Variants in TBCD observed in about 807,000 individuals in gnomAD.
TBCD encodes the protein tubulin folding cofactor D.
A neutral mutation model predicts 169.3 loss-of-function variants in TBCD; 105 were observed. The observed-to-expected ratio is 0.62, with a 90% CI of 0.53 to 0.73. The LOEUF (loss-of-function observed/expected upper bound fraction) is 0.73, where lower values mean the gene tolerates loss of function less well. Among genes scored for constraint, TBCD ranks in the 30% least tolerant of loss-of-function variants. TBCD has a pLI of 0.00. For synonymous variants in TBCD, 700 were observed against 643.9 expected, an observed-to-expected ratio of 1.09 and a Z score of -1.32; for missense variants, 1,444 against 1,600.1, an observed-to-expected ratio of 0.90 and a Z score of 1.66.
chr17:82,756,133 ATAAT>A (rs1332092316), intron 1 of TBCD, 28 bp from the exon 2 acceptor site: 3 of 1,573,162 alleles, frequency 1.9e-6, no homozygotes, highest in East Asian at 2.3e-5. Flanking sequence ...TGGCCTAGTG[ATAAT>A]TAATTTTCAT....
At chr17:82,929,038 C>T in intron 30 of TBCD, 75 bp from the exon 31 acceptor site, 1 of 1,533,470 alleles carries the variant, frequency 6.5e-7, no homozygotes, top group Non-Finnish European at 8.8e-7. Context: ...ACGGCTCGGA[C>T]CGCCTGTGCT....
At chr17:82,921,199 C>A (rs908072463) in intron 24 of TBCD, 6 of 457,512 alleles carry the variant, frequency 1.3e-5, no homozygotes, top group Non-Finnish European at 2.3e-5. Flanking sequence ...CCGGGGGAGA[C>A]CGTTTGAAGG....
chr17:82,838,836 C>T (rs1173233608), intron 13 of TBCD: 10 of 985,290 alleles, frequency 1.0e-5, no homozygotes, highest in African/African-American at 8.7e-5. Flanking sequence ...GACCTGAGCT[C>T]GTAAACAAAC....
In TBCD at chr17:82,942,825, T is replaced by G; in HGVS notation, c.*362T>G. On this transcript the variant is annotated 3_prime_UTR_variant, in exon 39 of 39. Transcript: ENST00000355528. ...CCTGCCTGGAGACCAGGCCCCCTTC[T>G]TGCCTGGTGCTGTCCCTGCTGTGGG... 2 of 370,844 alleles carry G rather than the reference T, an allele frequency of 5.4e-6. No homozygotes were observed. The highest frequency in any genetic ancestry group is 9.9e-6 in the Non-Finnish European group (2 of 203,026). 23.0% of individuals were successfully genotyped at this position (370,844 alleles called of 1,614,324 possible). A position where few individuals can be genotyped will look rare whatever the true frequency, so the allele number is the denominator to read the frequency against.
chr17:82,932,531 C>T (rs539926136), intron 33 of TBCD, 127 bp from the exon 34 acceptor site: 17 of 758,532 alleles, frequency 2.2e-5, no homozygotes, highest in Admixed American at 2.2e-4. Flanking sequence ...TGAAGCTTTG[C>T]GTTTCCACGT....
Position 82,832,997 on chromosome 17 carries a change from G to A in TBCD, c.1318+18063G>A, listed in dbSNP as rs905845725. On this transcript the variant is annotated intron_variant, in intron 13 of 38. Transcript: ENST00000355528. This position sits in a 1 kb window ranked among gnomAD's most constrained non-coding sequence, Gnocchi z 4.9. ...CTGGACCTTTCCTCGAAAGCGCCCT[G>A]CCGGGGGCTGAGGACACCGAGCCCC... 3.9e-5 allele frequency among the ~76,000 whole-genome samples: 6 copies of A among 152,152 alleles called. 1 individual carries two copies. The highest frequency in any genetic ancestry group is 2.0e-4 in the Admixed American group (3 of 15,292).
chr17:82,870,773 C>T (rs535448902), intron 14 of TBCD, among the ~76,000 whole-genome samples: 77 of 152,368 alleles, frequency 5.1e-4, no homozygotes, highest in African/African-American at 1.6e-3. Context: ...ATCGCCTGTG[C>T]GTGCTCCCTG....
chr17:82,818,865 G>A (rs932352033), intron 13 of TBCD, among the ~76,000 whole-genome samples: 2 of 152,194 alleles, frequency 1.3e-5, no homozygotes, highest in Non-Finnish European at 1.5e-5. Context: ...CCAGGAGTTC[G>A]AGACCAGCCT....
chr17:82,895,137 C>G (rs1299990130), intron 17 of TBCD, among the ~76,000 whole-genome samples: 1 of 152,228 alleles, frequency 6.6e-6, no homozygotes, highest in East Asian at 1.9e-4. Context: ...TTTGCCAACC[C>G]AAGACCTGGG....
chr17:82,800,513 G>T (rs1300190788), intron 8 of TBCD, among the ~76,000 whole-genome samples: 1 of 151,586 alleles, frequency 6.6e-6, no homozygotes, highest in Non-Finnish European at 1.5e-5. Flanking sequence ...CAGCATGCCC[G>T]TGGCCTGCGT....
chr17:82,902,445 T>C (rs996047286), intron 18 of TBCD, among the ~76,000 whole-genome samples: 2 of 152,278 alleles, frequency 1.3e-5, no homozygotes, highest in African/African-American at 4.8e-5. Context: ...CTTTGTCTTT[T>C]CTGTTCCCTC....
At chr17:82,876,394 G>A (rs769185259) in intron 14 of TBCD, among the ~76,000 whole-genome samples, 34 of 152,206 alleles carry the variant, frequency 2.2e-4, no homozygotes, top group Non-Finnish European at 4.1e-4. Context: ...CCAGGTTCCC[G>A]GGGATGGTAG....
In TBCD at chr17:82,870,344, C is replaced by T; in HGVS notation, c.1439C>T (p.Pro480Leu). The T allele has an allele frequency of 6.2e-7, 1 of 1,613,432 alleles. No individual in the cohort carries two copies. The change falls in exon 14 of 39, where the codon CCT becomes CTT. Residue 480 changes from proline to leucine, a missense_variant. Pro to Leu is a moderately conservative substitution (Grantham distance 98). Coordinates refer to ENST00000355528, the MANE Select transcript of TBCD (RefSeq NM_005993.5). ...TGGGCCTTCGCGCGTGCCTATGAGC[C>T]TCAGGAGCTGAAGCCCTTTGTGACT... ...VCWAFARAYE[P>L]QELKPFVTAI...
intron 13 of TBCD, chr17:82,829,683 T>G (rs1021384881): frequency 6.9e-5 from 12 of 174,758 alleles, no homozygotes; most frequent in Non-Finnish European, 1.1e-4. Flanking sequence ...TGTTATTTAG[T>G]TATACAAATC....
rs538286105 is a variant in TBCD at position 82,788,797 on chromosome 17, C to T, written c.771+7076C>T. Among the ~76,000 whole-genome samples, 5 of 152,276 alleles carry T rather than the reference C, an allele frequency of 3.3e-5. No individual in the cohort carries two copies. The South Asian group carries it at 8.3e-4, about 25-fold the overall frequency. On this transcript the variant is annotated intron_variant, in intron 7 of 38. Transcript: ENST00000355528. ...CTGTGCCCAGGCCCTTTGCTGACTC[C>T]GTCTCTCCTGTGACCTGAGGCCAGG...
Position 82,887,168 on chromosome 17 carries a change from T to TGTGTGCGC in TBCD, c.1534-2499_1534-2498insTGTGCGCG. Among the ~76,000 whole-genome samples, 43 of 126,198 alleles carry TGTGTGCGC rather than the reference T, an allele frequency of 3.4e-4. No individual in the cohort carries two copies. The South Asian group carries it at 4.1e-3, about 12-fold the overall frequency. 82.8% of individuals were successfully genotyped at this position (126,198 alleles called of 152,430 possible). ...GTGTGTGTGTGTGTGTGTGTGTGTG[T>TGTGTGCGC]GCGCGCGCGCGCACGTGCGCTCACG... On this transcript the variant is annotated intron_variant, in intron 15 of 38. Coordinates refer to ENST00000355528, the MANE Select transcript of TBCD (RefSeq NM_005993.5).
At chr17:82,790,351 T>TA (rs2144490078) in intron 7 of TBCD, among the ~76,000 whole-genome samples, 1 of 152,278 alleles carries the variant, frequency 6.6e-6, no homozygotes, top group East Asian at 1.9e-4. Flanking sequence ...GTGGCCTGCG[T>TA]AAAGGGTGGC....
intron 13 of TBCD, among the ~76,000 whole-genome samples, chr17:82,827,938 C>G (rs1265931330): frequency 1.3e-5 from 2 of 150,244 alleles, no homozygotes; most frequent in African/African-American, 2.5e-5. Flanking sequence ...CACGTGGACA[C>G]CCACACGATT....
chr17:82,834,172 T>C (rs1308848753), intron 13 of TBCD, among the ~76,000 whole-genome samples: 1 of 152,168 alleles, frequency 6.6e-6, no homozygotes, highest in Non-Finnish European at 1.5e-5. Flanking sequence ...GGTCTCGAGC[T>C]CCTGACCTCA....
Sources: allele counts gnomAD v4.1 joint callset (sites outside exome capture counted in the v4.1 genomes callset), GRCh38; gene constraint gnomAD v4.1.1; non-coding constraint Gnocchi (gnomAD v3.1); transcripts MANE v1.5; gene names NCBI Gene and HGNC (gene_info 2026-07-23, HGNC 2026-07-21).